The following DNAJC21 variants were observed in gnomAD, a reference collection of about 807,000 sequenced individuals.
The protein encoded by DNAJC21 is DnaJ heat shock protein family (Hsp40) member C21.
Under a neutral mutation model 72.4 loss-of-function variants are expected in DNAJC21, and 63 were observed. The ratio of observed to expected loss-of-function variants is 0.87; its 90% CI spans 0.71 to 1.07. DNAJC21 has a LOEUF of 1.07. DNAJC21 is among the 50% of genes least tolerant of loss of function. DNAJC21 has a pLI of 0.00. For missense variants in DNAJC21, 634 were observed against 644.8 expected (o/e 0.98, Z 0.18); for synonymous variants, 203 against 216.7 (o/e 0.94, Z 0.56).
intron 6 of DNAJC21, among the ~76,000 whole-genome samples, chr5:34,940,336 G>T (rs566348717): frequency 6.6e-6 from 1 of 152,152 alleles, no homozygotes; most frequent in African/African-American, 2.4e-5. Flanking sequence ...ACTAGATAGG[G>T]TATATTTTGA....
At chr5:34,948,374 A>G (rs535505135) in intron 9 of DNAJC21, among the ~76,000 whole-genome samples, 1 of 152,310 alleles carries the variant, frequency 6.6e-6, no homozygotes, top group East Asian at 1.9e-4. Flanking sequence ...GGAAAGTGGA[A>G]CGTGAGCCTA....
At chr5:34,936,120 T>G (rs750288703) in intron 3 of DNAJC21, 24 bp from the exon 4 acceptor site, 1 of 1,594,706 alleles carries the variant, frequency 6.3e-7, no homozygotes. Context: ...GTATTAAGAA[T>G]TTGTTTTTGT....
At chr5:34,954,532 A>G (rs1423760686) in intron 11 of DNAJC21, 21 bp from the exon 12 acceptor site, 2 of 1,582,678 alleles carry the variant, frequency 1.3e-6, no homozygotes, top group African/African-American at 2.7e-5. Context: ...ACTTTTATTT[A>G]TGATTTTTTG....
In DNAJC21 at chr5:34,933,917, C is replaced by A; in HGVS notation, c.191+9C>A. 1 of 1,611,232 alleles carries A rather than the reference C, an allele frequency of 6.2e-7. No homozygotes were observed. ...CCTCAGGAAAGAGCATGGTGAGCAT[C>A]ACGCTGTCCTTCCCATCCTAGTTTA... On this transcript the variant is annotated intron_variant, in intron 2 of 11. Coordinates refer to ENST00000648817, the MANE Select transcript of DNAJC21 (RefSeq NM_001012339.3).
chr5:34,947,513 C>T (rs1765207569), intron 9 of DNAJC21, among the ~76,000 whole-genome samples: 1 of 152,050 alleles, frequency 6.6e-6, no homozygotes, highest in South Asian at 2.1e-4. Context: ...GGTTCCAAGA[C>T]CCATGTCATT....
At position 34,937,414 on chromosome 5, in the gene DNAJC21, C is replaced by T; in HGVS notation, c.527C>T (p.Ser176Leu). The change falls in exon 5 of 12, where the codon TCA becomes TTA. Residue 176 changes from serine (S) to leucine (L), a missense_variant. Transcript: ENST00000648817. ...WKEEYDTRQA[S>L]NRWEKRAMEK... ...GAAGAATATGATACACGACAGGCTT[C>T]AAACCGCTGGGAAAAACGAGCCATG... is the stretch of plus-strand genomic sequence containing the variant. 6.2e-7 allele frequency: 1 copy of T among 1,614,038 alleles called. No homozygotes were observed. The highest frequency in any genetic ancestry group is 1.3e-5 in the African/African-American group (1 of 74,996).
intron 7 of DNAJC21, among the ~76,000 whole-genome samples, chr5:34,941,606 G>A (rs1353559092): frequency 9.4e-6 from 1 of 106,140 alleles, no homozygotes; most frequent in Non-Finnish European, 1.7e-5. Context: ...TCACTCTGTT[G>A]CCCCGGCTGG....
chr5:34,937,204 T>G, intron 4 of DNAJC21, 122 bp from the exon 5 acceptor site: 4 of 989,812 alleles, frequency 4.0e-6, no homozygotes, highest in Non-Finnish European at 4.4e-6. Flanking sequence ...CTCCAGAGAT[T>G]ATTAGAAGTG....
At chr5:34,940,577 T>G (rs1764953773) in intron 6 of DNAJC21, among the ~76,000 whole-genome samples, 2 of 152,220 alleles carry the variant, frequency 1.3e-5, no homozygotes, top group African/African-American at 4.8e-5. Context: ...TAGTAATTAT[T>G]CAGTTGTAAT....
Position 34,935,809 on chromosome 5 carries a change from T to C in DNAJC21, c.291T>C (p.Tyr97=). The C allele has an allele frequency of 2.5e-6, 4 of 1,614,042 alleles. No individual in the cohort carries two copies. Among genetic ancestry groups the C allele is most frequent in the Non-Finnish European group, 3.4e-6 (4 of 1,179,960 alleles). ...TACGCTATTTCACCGTTACCTGTTA[T>C]TCTGGTTATGGAGATGATGAAAAGG... ...DLLRYFTVTC[Y]SGYGDDEKGF... The change falls in exon 3 of 12, where the codon TAT becomes TAC. Residue 97 remains tyrosine, a synonymous_variant. Transcript: ENST00000648817.
rs1163290959 is a variant in DNAJC21 at position 34,958,840 on chromosome 5, A to C, written c.*4126A>C. The C allele has an allele frequency of 6.6e-6, 1 of 152,222 alleles. No individual in the cohort carries two copies. Among genetic ancestry groups the C allele is most frequent in the Non-Finnish European group, 1.5e-5 (1 of 68,036 alleles). 9.4% of individuals were successfully genotyped at this position (152,222 alleles called of 1,614,324 possible). A position where few individuals can be genotyped will look rare whatever the true frequency, so the allele number is the denominator to read the frequency against. On this transcript the variant is annotated 3_prime_UTR_variant, in exon 12 of 12. Transcript: ENST00000648817. ...ATTGATATTTTCTGTTAGAATTTAA[A>C]AATTATGTTAAAAAAATAAGAAGAA...
intron 1 of DNAJC21, among the ~76,000 whole-genome samples, chr5:34,931,293 T>C (rs1156758651): frequency 6.6e-6 from 1 of 152,198 alleles, no homozygotes; most frequent in Non-Finnish European, 1.5e-5. Flanking sequence ...AATGAACTGA[T>C]GTTCATCATA....
chr5:34,950,730 G>C (rs1167162866), intron 10 of DNAJC21: 1 of 991,936 alleles, frequency 1.0e-6, no homozygotes, highest in Non-Finnish European at 1.2e-6. Context: ...ACAGCAGCCT[G>C]TGTTGGGCCC....
chr5:34,936,119 ATTTG>A (rs778824411), intron 3 of DNAJC21, 21 bp from the exon 4 acceptor site: 2 of 1,594,218 alleles, frequency 1.3e-6, no homozygotes, highest in African/African-American at 2.7e-5. Context: ...AGTATTAAGA[ATTTG>A]TTTTTGTTAC....
intron 9 of DNAJC21, among the ~76,000 whole-genome samples, chr5:34,947,621 C>T (rs952370182): frequency 3.4e-5 from 5 of 148,032 alleles, no homozygotes; most frequent in African/African-American, 4.9e-5. Context: ...GGAGAGGATC[C>T]AGCTTTATCA....
At chr5:34,949,519 G>A in intron 9 of DNAJC21, 1 of 1,552,080 alleles carries the variant, frequency 6.4e-7, no homozygotes, top group Non-Finnish European at 8.7e-7. Flanking sequence ...TGAGTATTGT[G>A]CCAGAGAATG....
At chr5:34,937,656 TCTC>T (rs1764835215) in intron 5 of DNAJC21, 26 bp downstream of exon 5, 2 of 1,589,230 alleles carry the variant, frequency 1.3e-6, no homozygotes, top group South Asian at 1.1e-5. Context: ...GGGGCCCTCT[TCTC>T]AGTATCGGTG....
chr5:34,937,381 C>A lies in DNAJC21; in HGVS notation c.494C>A (p.Ala165Glu). ...AGTTTCTGCACTCAAAAGAATTTTG[C>A]ATGGAAGGAAGAATATGATACACGA... The part of the protein sequence containing the change: ...WQSFCTQKNF[A>E]WKEEYDTRQA... The change falls in exon 5 of 12, where the codon GCA becomes GAA. Residue 165 changes from alanine (A) to glutamate (E), a missense_variant. By Grantham distance (107) the Ala-to-Glu change is moderately radical. Transcript: ENST00000648817. The A allele has an allele frequency of 6.2e-7, 1 of 1,613,666 alleles. No individual in the cohort carries two copies. The highest frequency in any genetic ancestry group is 1.1e-5 in the South Asian group (1 of 91,024).
rs368712421 is a variant in DNAJC21, at chr5:34,944,898, C to A, written c.1015C>A (p.Arg339=). ...GAATCACGAGAAGTCAAAGAAGCATCGGGAAATGGTGGCCTTGCTAAAACA... is the reference window on the plus strand; with the variant it reads ...GAATCACGAGAAGTCAAAGAAGCATAGGGAAATGGTGGCCTTGCTAAAACA... The part of the protein sequence containing the change: ...MKNHEKSKKH[R]EMVALLKQQL... The change falls in exon 8 of 12, where the codon CGG becomes AGG. Residue 339 remains arginine (R), a synonymous_variant. Transcript: ENST00000648817. The A allele has an allele frequency of 1.2e-6, 2 of 1,613,832 alleles. No individual in the cohort carries two copies. Among genetic ancestry groups the A allele is most frequent in the African/African-American group, 1.3e-5 (1 of 74,864 alleles).
Sources: allele counts gnomAD v4.1 joint callset (sites outside exome capture counted in the v4.1 genomes callset), GRCh38; gene constraint gnomAD v4.1.1; transcripts MANE v1.5; gene names NCBI Gene and HGNC (gene_info 2026-07-23, HGNC 2026-07-21).